Variants in ATXN2L observed in about 807,000 individuals in gnomAD.
The protein encoded by ATXN2L is ataxin-2-like protein.
In ATXN2L, 24 loss-of-function variants were observed where a neutral mutation model predicts 120.7. That is an observed-to-expected ratio of 0.20 (90% CI 0.14 to 0.28). The LOEUF (loss-of-function observed/expected upper bound fraction) is 0.28, where lower values mean the gene tolerates loss of function less well. Among genes scored for constraint, ATXN2L ranks in the 10% least tolerant of loss-of-function variants. The pLI is 1.00. For missense variants in ATXN2L, 1,312 were observed against 1,432.3 expected, an observed-to-expected ratio of 0.92 and a Z score of 1.36; for synonymous variants, 653 against 568.1, an observed-to-expected ratio of 1.15 and a Z score of -2.13.
chr16:28,836,034 G>GC lies in ATXN2L; in HGVS notation c.3004dup (p.Gln1002ProfsTer29), dbSNP rs771612620. The GC allele has an allele frequency of 6.9e-6, 11 of 1,591,162 alleles. No homozygotes were observed. The highest frequency in any genetic ancestry group is 1.3e-5 in the African/African-American group (1 of 74,208). The stretch of plus-strand genomic sequence containing the variant: ...TGCACCCACCCCAGAGTCATGGGGG[G>GC]CCCCCCCAAGGCGCGGTGCCCCAGA... On this transcript the variant is annotated frameshift_variant, in exon 22 of 22. Transcript: ENST00000336783. LOFTEE classifies it high-confidence loss of function.
intron 1 of ATXN2L, chr16:28,823,859 G>A (rs939789084): frequency 1.4e-4 from 47 of 329,892 alleles, no homozygotes; most frequent in African/African-American, 8.8e-4. Flanking sequence ...GTTGGGGGGG[G>A]GCAAGGAGCT....
At chr16:28,825,994 A>G in intron 4 of ATXN2L, 153 bp downstream of exon 4, 1 of 874,438 alleles carries the variant, frequency 1.1e-6, no homozygotes, top group Admixed American at 2.8e-5. Flanking sequence ...AAAAAGACAA[A>G]TTTGAGGGCT....
Position 28,836,418 on chromosome 16 carries a change from C to G in ATXN2L, c.*153C>G, listed in dbSNP as rs1047187395. The G allele has an allele frequency of 1.5e-5, 25 of 1,613,246 alleles. No individual in the cohort carries two copies. The highest frequency in any genetic ancestry group is 2.1e-5 in the Non-Finnish European group (25 of 1,179,900). ...CCCTCCGTCCTCGCTCAGTTGTGAT[C>G]CAGCAGCCCCCCTCCCCACTGCCTC... On this transcript the variant is annotated 3_prime_UTR_variant, in exon 22 of 22. Coordinates refer to ENST00000336783, the MANE Select transcript of ATXN2L (RefSeq NM_007245.4).
chr16:28,828,707 C>T (rs1053799345), intron 6 of ATXN2L, among the ~76,000 whole-genome samples: 17 of 151,340 alleles, frequency 1.1e-4, no homozygotes, highest in Non-Finnish European at 2.4e-4. Flanking sequence ...GACGAGCTTG[C>T]TCTGTTGCCC....
chr16:28,837,011 C>G lies in ATXN2L; in HGVS notation c.*746C>G, dbSNP rs1326387460. On this transcript the variant is annotated 3_prime_UTR_variant, in exon 22 of 22. Transcript: ENST00000336783. ...CTGCCCGTCCCCACCCAGTCTTGCC[C>G]TCCCATCCTCTCATCTATTCCCCCG... is the stretch of plus-strand genomic sequence containing the variant. 1 of 667,650 alleles carries G rather than the reference C, an allele frequency of 1.5e-6. No individual in the cohort carries two copies. The highest frequency in any genetic ancestry group is 2.7e-6 in the Non-Finnish European group (1 of 365,630). The allele number at this position is 667,650 out of a possible 1,614,324, so 41.4% of individuals were successfully genotyped here. A position where few individuals can be genotyped will look rare whatever the true frequency, so the allele number is the denominator to read the frequency against.
rs1961211474 is a variant in ATXN2L, at chr16:28,836,993, TC to T, written c.*732del. 3.0e-6 allele frequency: 2 copies of T among 663,712 alleles called. No homozygotes were observed. Among genetic ancestry groups the T allele is most frequent in the African/African-American group, 1.8e-5 (1 of 55,872 alleles). The allele number at this position is 663,712 out of a possible 1,614,324, so 41.1% of individuals were successfully genotyped here. ...GGGGTTCCTGCTCTGCCCCTGCCCG[TC>T]CCCACCCAGTCTTGCCCTCCCATCC... On this transcript the variant is annotated 3_prime_UTR_variant, in exon 22 of 22. Transcript: ENST00000336783.
At position 28,833,182 on chromosome 16, in the gene ATXN2L, C is replaced by T. The variant is rs2055162498; in HGVS notation, c.1783C>T (p.Pro595Ser). ...GTTGACTTCAGAGCCCATGGGGTCT[C>T]CCGTCTCCTCCAAGACAGAGTCCGT... The part of the protein sequence containing the change: ...GLLTSEPMGS[P>S]VSSKTESVSD... The change falls in exon 14 of 22, where the codon CCC becomes TCC. Residue 595 changes from proline (P) to serine (S), a missense_variant. By Grantham distance (74) the Pro-to-Ser change is moderately conservative. Transcript: ENST00000336783. 1 of 1,614,182 alleles carries T rather than the reference C, an allele frequency of 6.2e-7. No homozygotes were observed. Among genetic ancestry groups the T allele is most frequent in the South Asian group, 1.1e-5 (1 of 91,078 alleles).
intron 6 of ATXN2L, among the ~76,000 whole-genome samples, chr16:28,829,109 C>T (rs772611946): frequency 2.0e-5 from 3 of 152,120 alleles, no homozygotes; most frequent in African/African-American, 4.8e-5. Context: ...GATCCTCTCT[C>T]CTCAATCTCC....
rs2054064392 is a variant in ATXN2L at position 28,830,739 on chromosome 16, C to G, written c.1159C>G (p.Leu387Val). Reference protein sequence around the residue: ...SSLPPRGPHHLDNSSPGPGSE... With the variant: ...SSLPPRGPHHVDNSSPGPGSE... ...TTTGCCACCTCGTGGCCCTCACCAT[C>G]TGGACAACAGCAGCCCTGGCCCAGG... The change falls in exon 9 of 22, where the codon CTG becomes GTG. Residue 387 changes from leucine to valine, a missense_variant. Transcript: ENST00000336783. The G allele has an allele frequency of 1.2e-6, 2 of 1,613,362 alleles. No homozygotes were observed. The highest frequency in any genetic ancestry group is 1.7e-5 in the Admixed American group (1 of 59,772).
chr16:28,827,235 A>G (rs2052444306), intron 6 of ATXN2L, among the ~76,000 whole-genome samples: 9 of 151,984 alleles, frequency 5.9e-5, no homozygotes, highest in Admixed American at 5.9e-4. Context: ...GGATTTCGAG[A>G]CCAGTCTGGG....
chr16:28,824,114 G>C (rs2050745847), intron 1 of ATXN2L: 2 of 1,015,668 alleles, frequency 2.0e-6, no homozygotes, highest in South Asian at 3.3e-5. Context: ...GGAGGACTGC[G>C]GGCCGGGAGC....
Position 28,823,403 on chromosome 16 carries a change from TC to T in ATXN2L, c.147del (p.Pro51LeufsTer87). On this transcript the variant is annotated frameshift_variant, in exon 1 of 22. Coordinates refer to ENST00000336783, the MANE Select transcript of ATXN2L (RefSeq NM_007245.4). LOFTEE classifies it high-confidence loss of function. ...GGCCGCTGGCCACCTCTGCGGCTCC[TC>T]CCGGGCCTCCAGCGGCCGCCTCCCC... ...PGPLATSAAP[P>X]GPPAAASPCL... is the part of the protein sequence containing the mutation. 7.6e-7 allele frequency: 1 copy of T among 1,320,588 alleles called. No homozygotes were observed. Among genetic ancestry groups the T allele is most frequent in the South Asian group, 2.2e-5 (1 of 45,038 alleles). The allele number at this position is 1,320,588 out of a possible 1,614,324, so 81.8% of individuals were successfully genotyped here. A position where few individuals can be genotyped will look rare whatever the true frequency, so the allele number is the denominator to read the frequency against.
In ATXN2L at chr16:28,833,511, G is replaced by A; in HGVS notation, c.2025+3G>A. ...CTACAAAGCCTCTGCTGTCTGTGGT[G>A]AGCTGGGACAGGAGAATGTGGACTT... On this transcript the variant is annotated splice_donor_region_variant and intron_variant, in intron 15 of 21. Transcript: ENST00000336783. 6.2e-7 allele frequency: 1 copy of A among 1,614,142 alleles called. No individual in the cohort carries two copies. Among genetic ancestry groups the A allele is most frequent in the Non-Finnish European group, 8.5e-7 (1 of 1,179,970 alleles).
chr16:28,834,647 C>G lies in ATXN2L; in HGVS notation c.2387C>G (p.Pro796Arg). ...SYIPYNPQQF[P>R]GQPAMMQPMA... ...ATCCCCTACAACCCTCAGCAGTTCCCAGGCCAGCCAGCCATGATGCAGCCC... is the reference window on the plus strand; with the variant it reads ...ATCCCCTACAACCCTCAGCAGTTCCGAGGCCAGCCAGCCATGATGCAGCCC... The change falls in exon 18 of 22, where the codon CCA (proline) becomes CGA (arginine). Residue 796 changes from proline (P) to arginine (R), a missense_variant. By Grantham distance (103) the Pro-to-Arg change is moderately radical. Coordinates refer to ENST00000336783, the MANE Select transcript of ATXN2L (RefSeq NM_007245.4). The G allele has an allele frequency of 6.2e-7, 1 of 1,613,984 alleles. No individual in the cohort carries two copies. Among genetic ancestry groups the G allele is most frequent in the Non-Finnish European group, 8.5e-7 (1 of 1,180,000 alleles).
In ATXN2L at chr16:28,834,712, G is replaced by A. The variant is rs1251950480; in HGVS notation, c.2433+19G>A. ...CTCACAGGTGACTGCGGCCCAGGAG[G>A]GCAGTGAGGATCCAGGGCCCCTGCT... On this transcript the variant is annotated intron_variant, in intron 18 of 21. Coordinates refer to ENST00000336783, the MANE Select transcript of ATXN2L (RefSeq NM_007245.4). The A allele has an allele frequency of 2.5e-6, 4 of 1,592,728 alleles. No individual in the cohort carries two copies. Among genetic ancestry groups the A allele is most frequent in the East Asian group, 2.2e-5 (1 of 44,484 alleles).
intron 15 of ATXN2L, 158 bp from the exon 16 acceptor site, chr16:28,833,907 C>G (rs1380702331): frequency 3.6e-6 from 3 of 838,450 alleles, no homozygotes; most frequent in African/African-American, 3.5e-5. Context: ...CTTTAGAATA[C>G]TCATCTCCTC....
chr16:28,830,530 G>C (rs1191115404), intron 8 of ATXN2L, 85 bp from the exon 9 acceptor site: 1 of 1,340,418 alleles, frequency 7.5e-7, no homozygotes, highest in African/African-American at 1.5e-5. Flanking sequence ...GGGCAGAAGG[G>C]GGAGACTTTA....
chr16:28,823,275 C>T lies in ATXN2L; in HGVS notation c.16C>T (p.Pro6Ser), dbSNP rs2050250219. The change falls in exon 1 of 22, where the codon CCG becomes TCG. Residue 6 changes from proline to serine, a missense_variant. Coordinates refer to ENST00000336783, the MANE Select transcript of ATXN2L (RefSeq NM_007245.4). MLKPQPLQQPSQPQQP... is the reference protein window; with the variant it reads MLKPQSLQQPSQPQQP... ...CGCTGCCATCATGTTGAAGCCTCAG[C>T]CGCTACAACAGCCCTCCCAGCCCCA... 2.0e-6 allele frequency: 3 copies of T among 1,497,108 alleles called. No homozygotes were observed. The highest frequency in any genetic ancestry group is 4.9e-4 in the Middle Eastern group (2 of 4,076). The allele number at this position is 1,497,108 out of a possible 1,614,324, so 92.7% of individuals were successfully genotyped here.
intron 21 of ATXN2L, 24 bp downstream of exon 21, chr16:28,835,782 C>G: frequency 6.2e-7 from 1 of 1,613,604 alleles, no homozygotes; most frequent in South Asian, 1.1e-5. Context: ...TGTCCCACTT[C>G]TGGGTCTGTT....
Sources: gnomAD v4.1 joint callset for allele counts (sites outside exome capture counted in the v4.1 genomes callset) on GRCh38, gnomAD v4.1.1 for gene constraint, MANE v1.5 for transcripts, NCBI Gene and HGNC (gene_info 2026-07-23, HGNC 2026-07-21) for gene names.